CROCC: variants seen among roughly 807,000 people sequenced by gnomAD.
CROCC encodes the protein rootletin.
CROCC carries 180 observed loss-of-function variants against 245.2 expected under a neutral mutation model. That is an observed-to-expected ratio of 0.73 (90% CI 0.65 to 0.83). The LOEUF (loss-of-function observed/expected upper bound fraction) is 0.83, where lower values mean the gene tolerates loss of function less well. Among genes scored for constraint, CROCC ranks in the 40% least tolerant of loss-of-function variants. CROCC has a pLI of 0.00. For synonymous variants in CROCC, 1,205 were observed against 1,241.6 expected (o/e 0.97, Z 0.62); for missense variants, 2,688 against 2,779.4 (o/e 0.97, Z 0.74).
Position 16,955,477 on chromosome 1 carries a change from G to T in CROCC, c.3631G>T (p.Glu1211Ter). The T allele has an allele frequency of 8.8e-6, 14 of 1,587,504 alleles. No homozygotes were observed. Among genetic ancestry groups the T allele is most frequent in the Non-Finnish European group, 1.2e-5 (14 of 1,170,316 alleles). ...LRRSLGEGAK[E>*]REALRRSNEE... ...ACGCAGCCTGGGCGAGGGTGCCAAGGAGCGCGAGGCCCTGCGGCGTTCCAA... is the reference window on the plus strand; with the variant it reads ...ACGCAGCCTGGGCGAGGGTGCCAAGTAGCGCGAGGCCCTGCGGCGTTCCAA... Residue 1211 changes from glutamate (E) to a stop codon, truncating the protein, a stop_gained, in exon 24 of 37, where the codon GAG becomes TAG. Coordinates refer to ENST00000375541, the MANE Select transcript of CROCC (RefSeq NM_014675.5). LOFTEE classifies it high-confidence loss of function.
rs1459109621 is a variant in CROCC at position 16,968,341 on chromosome 1, C to T, written c.4999C>T (p.Arg1667Cys). Residue 1667 changes from arginine (R) to cysteine (C), a missense_variant, in exon 31 of 37, where the codon CGC becomes TGC. Transcript: ENST00000375541. ...QRRSLEGELQ[R>C]SRLGLSDREA... is the part of the protein sequence containing the mutation. ...GCGCTCGCTTGAGGGGGAGCTGCAG[C>T]GCAGCCGCCTGGGCCTCAGTGACCG... 14 of 1,546,278 alleles carry T rather than the reference C, an allele frequency of 9.1e-6. No homozygotes were observed. Among genetic ancestry groups the T allele is most frequent in the African/African-American group, 1.4e-5 (1 of 72,764 alleles).
intron 17 of CROCC, among the ~76,000 whole-genome samples, chr1:16,947,313 C>CA (rs1400574068): frequency 1.3e-5 from 2 of 152,178 alleles, no homozygotes; most frequent in Non-Finnish European, 2.9e-5. Flanking sequence ...CCTATCTCTA[C>CA]AAAAAATTAG....
intron 13 of CROCC, among the ~76,000 whole-genome samples, chr1:16,942,868 G>C (rs897841675): frequency 7.9e-5 from 12 of 152,274 alleles, no homozygotes; most frequent in African/African-American, 2.4e-4. Flanking sequence ...TATTTTGGGA[G>C]GCCAAGGCGG....
chr1:16,925,726 CG>C (rs1317482463), intron 3 of CROCC, among the ~76,000 whole-genome samples: 4 of 152,384 alleles, frequency 2.6e-5, no homozygotes, highest in South Asian at 2.1e-4. Flanking sequence ...GGGGTGTGCC[CG>C]TGTCCTGGGA....
In CROCC at chr1:16,966,640, T is replaced by C. The variant is rs1301068193; in HGVS notation, c.4860+69T>C. Reference sequence around the variant, plus strand: ...TACCCGAGTGAGTGTCTAACTCTTATGTGTGTCTCCCTGTGTCTGTCTGCC... The same window carrying C: ...TACCCGAGTGAGTGTCTAACTCTTACGTGTGTCTCCCTGTGTCTGTCTGCC... On this transcript the variant is annotated intron_variant, in intron 30 of 36. Coordinates refer to ENST00000375541, the MANE Select transcript of CROCC (RefSeq NM_014675.5). The surrounding 1 kb of genome is among the most constrained non-coding windows in gnomAD (Gnocchi z 4.8). The C allele has an allele frequency of 2.5e-5, 36 of 1,413,874 alleles. No homozygotes were observed. Among genetic ancestry groups the C allele is most frequent in the East Asian group, 7.8e-5 (3 of 38,568 alleles). The allele number at this position is 1,413,874 out of a possible 1,614,324, so 87.6% of individuals were successfully genotyped here. A position where few individuals can be genotyped will look rare whatever the true frequency, so the allele number is the denominator to read the frequency against.
At chr1:16,952,320 T>TA (rs1557623627) in intron 20 of CROCC, among the ~76,000 whole-genome samples, 1 of 151,660 alleles carries the variant, frequency 6.6e-6, no homozygotes, top group African/African-American at 2.4e-5. Flanking sequence ...CCATCTCTAC[T>TA]AAAAATCACA....
chr1:16,935,687 GT>G (rs1205074756), intron 8 of CROCC, among the ~76,000 whole-genome samples: 34 of 152,268 alleles, frequency 2.2e-4, no homozygotes, highest in Non-Finnish European at 1.2e-4. Flanking sequence ...GCCTCCCAAA[GT>G]GCTGGGATTA....
chr1:16,919,745 T>A (rs2075364772), upstream of CROCC, among the ~76,000 whole-genome samples: 1 of 152,272 alleles, frequency 6.6e-6, no homozygotes, highest in Non-Finnish European at 1.5e-5. Context: ...ATCAGTCGCA[T>A]TTTTTTGTTG....
chr1:16,932,899 G>A (rs2075709915), intron 8 of CROCC, among the ~76,000 whole-genome samples: 1 of 152,282 alleles, frequency 6.6e-6, no homozygotes, highest in Non-Finnish European at 1.5e-5. Flanking sequence ...TACAGCCTCA[G>A]CCTCCTCGTC....
In CROCC at chr1:16,939,132, T is replaced by C; in HGVS notation, c.1598T>C (p.Leu533Pro). The C allele has an allele frequency of 6.6e-7, 1 of 1,519,494 alleles. No homozygotes were observed. Among genetic ancestry groups the C allele is most frequent in the Non-Finnish European group, 8.7e-7 (1 of 1,144,966 alleles). 94.1% of individuals were successfully genotyped at this position (1,519,494 alleles called of 1,614,324 possible). The change falls in exon 12 of 37, where the codon CTG becomes CCG. Residue 533 changes from leucine (L) to proline (P), a missense_variant. Leu to Pro is a moderately conservative substitution (Grantham distance 98). Transcript: ENST00000375541. ...LIHSALHKRQ[L>P]QVQDMRGRYE... ...CACTCCGCCCTGCACAAGCGCCAGC[T>C]GCAGGTCCAGGTAGGAAGGGGCTTG... is the stretch of plus-strand genomic sequence containing the variant.
chr1:16,941,676 G>T (rs1467988159), intron 13 of CROCC, among the ~76,000 whole-genome samples: 1 of 151,796 alleles, frequency 6.6e-6, no homozygotes, highest in Non-Finnish European at 1.5e-5. Flanking sequence ...AGCTGGCAGC[G>T]AGCCGAGATG....
At chr1:16,965,521 C>T (rs2076402137) in intron 27 of CROCC, among the ~76,000 whole-genome samples, 1 of 152,144 alleles carries the variant, frequency 6.6e-6, no homozygotes, top group South Asian at 2.1e-4. Context: ...AAAGAATGTT[C>T]TAGAACATGG....
intron 8 of CROCC, among the ~76,000 whole-genome samples, chr1:16,936,107 AGG>A (rs1215628149): frequency 1.1e-4 from 16 of 151,886 alleles, no homozygotes; most frequent in African/African-American, 3.4e-4. Context: ...ATCCCAGTGT[AGG>A]GTTTTTTTTT....
chr1:16,935,201 A>G (rs1201707094), intron 8 of CROCC, among the ~76,000 whole-genome samples: 1 of 152,128 alleles, frequency 6.6e-6, no homozygotes, highest in Admixed American at 6.5e-5. Flanking sequence ...CGCCTGGCCT[A>G]TCAGTTTCTT....
intron 27 of CROCC, among the ~76,000 whole-genome samples, chr1:16,962,205 C>T (rs1406917997): frequency 2.6e-5 from 4 of 151,806 alleles, no homozygotes; most frequent in Admixed American, 2.6e-4. Flanking sequence ...TGGGAGACTA[C>T]AGGCGTGTGC....
chr1:16,958,883 T>C, intron 26 of CROCC, 133 bp downstream of exon 26: 1 of 1,040,908 alleles, frequency 9.6e-7, no homozygotes. Context: ...TTGAGACTCT[T>C]CCCCAGTTGT....
At chr1:16,972,279 C>A in intron 36 of CROCC, 81 bp from the exon 37 acceptor site, 1 of 1,059,808 alleles carries the variant, frequency 9.4e-7, no homozygotes, top group Non-Finnish European at 1.5e-6. Flanking sequence ...GGCACTGTGT[C>A]CCTCCGGGTT....
Position 16,938,916 on chromosome 1 carries a change from T to G in CROCC, c.1382T>G (p.Leu461Trp), listed in dbSNP as rs1265239913. The G allele has an allele frequency of 6.2e-7, 1 of 1,603,180 alleles. No individual in the cohort carries two copies. Among genetic ancestry groups the G allele is most frequent in the Non-Finnish European group, 8.5e-7 (1 of 1,177,032 alleles). ...TCCCTCCCCCACCCTCAGGCCGTCT[T>G]GTCAGACTCTGAGAGCGGCGTCCAG... is the stretch of plus-strand genomic sequence containing the variant. Reference protein sequence around the residue: ...QTLRDLAQAVLSDSESGVQLS... With the variant: ...QTLRDLAQAVWSDSESGVQLS... Residue 461 changes from leucine to tryptophan, a missense_variant, in exon 12 of 37, where the codon TTG becomes TGG. Physicochemically the swap from Leu to Trp is moderately conservative, Grantham distance 61. Around this residue, in one of 9 missense-constraint regions of CROCC, gnomAD observed 972 missense variants for 895.3 expected, o/e 1.09. Transcript: ENST00000375541.
chr1:16,930,339 G>A lies in CROCC; in HGVS notation c.675G>A (p.Glu225=), dbSNP rs1234079859. 4.3e-6 allele frequency: 7 copies of A among 1,610,432 alleles called. No individual in the cohort carries two copies. Among genetic ancestry groups the A allele is most frequent in the East Asian group, 4.5e-5 (2 of 44,854 alleles). Residue 225 remains glutamate, a synonymous_variant, in exon 6 of 37, where the codon GAG becomes GAA. Transcript: ENST00000375541. ...GCGCCCTCATCCGGCTGGAGGAGGA[G>A]CAGCAGAGGTGAGGGCGCAGCAGGG... ...LESALIRLEE[E]QQRSASLAQV... is the part of the protein sequence containing the mutation.
Sources: allele counts gnomAD v4.1 joint callset (sites outside exome capture counted in the v4.1 genomes callset), GRCh38; gene constraint gnomAD v4.1.1; regional missense constraint gnomAD v4.1.1; non-coding constraint Gnocchi (gnomAD v3.1); transcripts MANE v1.5; gene names NCBI Gene and HGNC (gene_info 2026-07-23, HGNC 2026-07-21).